The following PPP1R1B variants were observed in gnomAD, a reference collection of about 807,000 sequenced individuals.
PPP1R1B encodes protein phosphatase 1 regulatory inhibitor subunit 1B.
PPP1R1B carries 13 observed loss-of-function variants against 28.2 expected under a neutral mutation model. The observed-to-expected ratio is 0.46, with a 90% CI of 0.30 to 0.73. The LOEUF (loss-of-function observed/expected upper bound fraction) is 0.73. Among genes scored for constraint, PPP1R1B ranks in the 30% least tolerant of loss-of-function variants. The pLI, the probability that PPP1R1B is intolerant of heterozygous loss-of-function variation, is 0.07. For synonymous variants in PPP1R1B, 102 were observed against 97.5 expected (o/e 1.05, Z -0.27); for missense variants, 236 against 256.7 (o/e 0.92, Z 0.55).
intron 5 of PPP1R1B, among the ~76,000 whole-genome samples, chr17:39,635,360 T>C (rs1203471828): frequency 6.6e-6 from 1 of 151,738 alleles, no homozygotes; most frequent in Non-Finnish European, 1.5e-5. Flanking sequence ...GGGTATTCAC[T>C]ATTACATCTT....
At chr17:39,629,886 G>A (rs1208828161) in intron 3 of PPP1R1B, 86 bp from the exon 4 acceptor site, 10 of 1,299,836 alleles carry the variant, frequency 7.7e-6, no homozygotes, top group Non-Finnish European at 1.0e-5. Flanking sequence ...CAGTCTGCTT[G>A]GGTGGCCATG....
rs1354082805 is a variant in PPP1R1B at position 39,630,313 on chromosome 17, G to T, written c.241+266G>T. On this transcript the variant is annotated intron_variant, in intron 4 of 6. Coordinates refer to ENST00000254079, the MANE Select transcript of PPP1R1B (RefSeq NM_032192.4). The stretch of plus-strand genomic sequence containing the variant: ...AGAGATGGCTGGCCTAAGACAACCA[G>T]CAGGCATCCGCGTGGAAGGGACTCC... The T allele has an allele frequency of 1.1e-5, 5 of 459,294 alleles. No homozygotes were observed. The East Asian group carries it at 1.9e-4, about 18-fold the overall frequency. The allele number at this position is 459,294 out of a possible 1,614,324, so 28.5% of individuals were successfully genotyped here.
Position 39,635,883 on chromosome 17 carries a change from C to T in PPP1R1B, c.*18C>T. Reference sequence around the variant, plus strand: ...GCACATAGGCACCCAGCCTGCATCTCCCAGGAGGAAGTGGAGGGGACATCG... The same window carrying T: ...GCACATAGGCACCCAGCCTGCATCTTCCAGGAGGAAGTGGAGGGGACATCG... On this transcript the variant is annotated 3_prime_UTR_variant, in exon 7 of 7. Transcript: ENST00000254079. The T allele has an allele frequency of 1.2e-6, 2 of 1,611,788 alleles. No individual in the cohort carries two copies. The highest frequency in any genetic ancestry group is 1.7e-6 in the Non-Finnish European group (2 of 1,179,738).
In PPP1R1B at chr17:39,636,174, A is replaced by G; in HGVS notation, c.*309A>G. ...AACCGGGAACAGGGATTTGCCCTTC[A>G]CAATTCTACTCCCCAGATCCTCTCC... On this transcript the variant is annotated 3_prime_UTR_variant, in exon 7 of 7. Coordinates refer to ENST00000254079, the MANE Select transcript of PPP1R1B (RefSeq NM_032192.4). The G allele has an allele frequency of 2.4e-6, 1 of 419,070 alleles. No homozygotes were observed. Among genetic ancestry groups the G allele is most frequent in the South Asian group, 2.5e-5 (1 of 39,644 alleles). 26.0% of individuals were successfully genotyped at this position (419,070 alleles called of 1,614,324 possible). A position where few individuals can be genotyped will look rare whatever the true frequency, so the allele number is the denominator to read the frequency against.
In PPP1R1B at chr17:39,627,319, C is replaced by G. The variant is rs1432336155; in HGVS notation, c.-74C>G. On this transcript the variant is annotated 5_prime_UTR_variant, in exon 1 of 7. Coordinates refer to ENST00000254079, the MANE Select transcript of PPP1R1B (RefSeq NM_032192.4). ...CTCGCCGCACAGCCCGCCGCCTGCG[C>G]GGGGGAGCCCAGCACAGACCGCCGC... The G allele has an allele frequency of 9.8e-7, 1 of 1,024,984 alleles. No homozygotes were observed. The highest frequency in any genetic ancestry group is 3.0e-5 in the Admixed American group (1 of 33,286). 63.5% of individuals were successfully genotyped at this position (1,024,984 alleles called of 1,614,324 possible). A position where few individuals can be genotyped will look rare whatever the true frequency, so the allele number is the denominator to read the frequency against.
chr17:39,633,767 G>A, intron 4 of PPP1R1B, 116 bp from the exon 5 acceptor site: 1 of 1,545,484 alleles, frequency 6.5e-7, no homozygotes, highest in Non-Finnish European at 8.7e-7. Context: ...CCCCTGAGGG[G>A]GTATTCTCTG....
At chr17:39,628,191 G>T (rs1303093703) in intron 1 of PPP1R1B, among the ~76,000 whole-genome samples, 1 of 151,978 alleles carries the variant, frequency 6.6e-6, no homozygotes, top group Non-Finnish European at 1.5e-5. Flanking sequence ...GGGGTCACTT[G>T]TTGCTGAGCT....
chr17:39,631,880 A>G (rs1404824939), intron 4 of PPP1R1B, among the ~76,000 whole-genome samples: 2 of 151,956 alleles, frequency 1.3e-5, no homozygotes, highest in African/African-American at 2.4e-5. Flanking sequence ...TCTTCTCAGG[A>G]GAGAATTTAA....
At position 39,634,028 on chromosome 17, in the gene PPP1R1B, A is replaced by T; in HGVS notation, c.387A>T (p.Glu129Asp). Residue 129 changes from glutamate to aspartate, a missense_variant, in exon 5 of 7, where the codon GAA (glutamate) becomes GAT (aspartate). By Grantham distance (45) the Glu-to-Asp change is conservative. Coordinates refer to ENST00000254079, the MANE Select transcript of PPP1R1B (RefSeq NM_032192.4). ...ATGAGGAGGAAGAGGAGGATGATGA[A>T]GAAGAGGAAGAAGAAGAGGACAGCC... ...EEDEEEEEDD[E>D]EEEEEEDSQA... 1 of 1,613,876 alleles carries T rather than the reference A, an allele frequency of 6.2e-7. No homozygotes were observed. Among genetic ancestry groups the T allele is most frequent in the Non-Finnish European group, 8.5e-7 (1 of 1,179,920 alleles).
At chr17:39,633,748 G>C in intron 4 of PPP1R1B, 135 bp from the exon 5 acceptor site, 1 of 1,503,938 alleles carries the variant, frequency 6.6e-7, no homozygotes, top group Non-Finnish European at 8.9e-7. Flanking sequence ...TTTGGCCTTT[G>C]AACTTGGGCC....
In PPP1R1B at chr17:39,636,557, C is replaced by A. The variant is rs951107678; in HGVS notation, c.*692C>A. The A allele has an allele frequency of 6.5e-6, 1 of 152,760 alleles. No homozygotes were observed. The highest frequency in any genetic ancestry group is 2.4e-5 in the African/African-American group (1 of 41,426). The allele number at this position is 152,760 out of a possible 1,614,324, so 9.5% of individuals were successfully genotyped here. A position where few individuals can be genotyped will look rare whatever the true frequency, so the allele number is the denominator to read the frequency against. On this transcript the variant is annotated 3_prime_UTR_variant, in exon 7 of 7. Coordinates refer to ENST00000254079, the MANE Select transcript of PPP1R1B (RefSeq NM_032192.4). ...TTTCCTTGTCCCCCAGCTGCTCTGCCCCTTTCCCCTTCTTCCCTGACTCCA... is the reference window on the plus strand; with the variant it reads ...TTTCCTTGTCCCCCAGCTGCTCTGCACCTTTCCCCTTCTTCCCTGACTCCA...
At chr17:39,628,354 A>G (rs887141305) in intron 1 of PPP1R1B, 9 of 254,710 alleles carry the variant, frequency 3.5e-5, no homozygotes, top group African/African-American at 1.9e-4. Context: ...GTTTCAGCTT[A>G]ACTCACCTGG....
At chr17:39,631,258 G>A (rs2056875385) in intron 4 of PPP1R1B, among the ~76,000 whole-genome samples, 1 of 152,102 alleles carries the variant, frequency 6.6e-6, no homozygotes, top group Non-Finnish European at 1.5e-5. Flanking sequence ...AAAAGAAAAG[G>A]GTCAAGGAAG....
At chr17:39,635,530 G>C in intron 5 of PPP1R1B, 77 bp from the exon 6 acceptor site, 1 of 1,548,236 alleles carries the variant, frequency 6.5e-7, no homozygotes, top group Non-Finnish European at 8.8e-7. Flanking sequence ...TCAGCCATCA[G>C]ACACTTAGCT....
At chr17:39,631,925 G>A (rs1437715332) in intron 4 of PPP1R1B, among the ~76,000 whole-genome samples, 1 of 152,144 alleles carries the variant, frequency 6.6e-6, no homozygotes, top group Non-Finnish European at 1.5e-5. Context: ...GGCTGGGTAG[G>A]GAGAGGCTGG....
At chr17:39,632,309 G>T in intron 4 of PPP1R1B, 1 of 156,534 alleles carries the variant, frequency 6.4e-6, no homozygotes, top group Admixed American at 6.5e-5. Flanking sequence ...GGAGGCTCAC[G>T]GGGCACCAGC....
intron 4 of PPP1R1B, chr17:39,630,346 G>C (rs2056868504): frequency 2.4e-6 from 1 of 409,234 alleles, no homozygotes; most frequent in Non-Finnish European, 4.6e-6. Context: ...TCCACCTGCA[G>C]CTCCTCTTCA....
chr17:39,635,742 G>A lies in PPP1R1B; in HGVS notation c.565+16G>A, dbSNP rs377162808. 2.4e-5 allele frequency: 38 copies of A among 1,612,612 alleles called. No individual in the cohort carries two copies. In the Admixed American group the frequency reaches 3.0e-4, roughly 13 times the overall value. ...GCACTAAGTGGTAAGGCTTGGGAGT[G>A]TGAAATGGGGAGGAGGGGCTGGGAT... On this transcript the variant is annotated intron_variant, in intron 6 of 6. Transcript: ENST00000254079.
At chr17:39,628,738 T>TG (rs2056854498) in intron 1 of PPP1R1B, 1 of 990,666 alleles carries the variant, frequency 1.0e-6, no homozygotes, top group Non-Finnish European at 1.2e-6. Flanking sequence ...CCATGGCCCG[T>TG]GGGGCATCTT....
Sources: gnomAD v4.1 joint callset for allele counts (sites outside exome capture counted in the v4.1 genomes callset) on GRCh38, gnomAD v4.1.1 for gene constraint, MANE v1.5 for transcripts, NCBI Gene and HGNC (gene_info 2026-07-23, HGNC 2026-07-21) for gene names.